The following SLC24A2 variants were observed in gnomAD, a reference collection of about 807,000 sequenced individuals.
SLC24A2 encodes solute carrier family 24 member 2, also known as sodium/potassium/calcium exchanger 2.
In SLC24A2, 36 loss-of-function variants were observed where a neutral mutation model predicts 62.0. The observed-to-expected ratio is 0.58, with a 90% CI of 0.44 to 0.77. The LOEUF (loss-of-function observed/expected upper bound fraction) is 0.77. Ranked by LOEUF, SLC24A2 falls within the 30% of genes least tolerant of loss-of-function variation. The pLI is 0.00. For synonymous variants in SLC24A2, 358 were observed against 294.0 expected, an observed-to-expected ratio of 1.22 and a Z score of -2.23; for missense variants, 846 against 817.9, an observed-to-expected ratio of 1.03 and a Z score of -0.42.
intron 5 of SLC24A2, among the ~76,000 whole-genome samples, chr9:19,595,307 A>G (rs1836676181): frequency 6.6e-6 from 1 of 152,212 alleles, no homozygotes; most frequent in African/African-American, 2.4e-5. Flanking sequence ...TTGTTGAAAA[A>G]TTCTTAGTGA....
chr9:20,288,284 C>T, the SLC24A2 span, among the ~76,000 whole-genome samples: 5 of 152,158 alleles, frequency 3.3e-5, no homozygotes, highest in African/African-American at 9.7e-5. Context: ...TGCAAGGGTT[C>T]ATATGGCAGT....
chr9:20,177,647 T>A, the SLC24A2 span, among the ~76,000 whole-genome samples: 1 of 152,122 alleles, frequency 6.6e-6, no homozygotes, highest in South Asian at 2.1e-4. Flanking sequence ...TAATTGATCC[T>A]TTAGGCTATG....
chr9:19,600,841 A>AG (rs1476156021), intron 4 of SLC24A2, among the ~76,000 whole-genome samples: 1 of 151,976 alleles, frequency 6.6e-6, no homozygotes, highest in African/African-American at 2.4e-5. Flanking sequence ...TGGGCTGGGG[A>AG]GGGGGAGAGC....
the SLC24A2 span, among the ~76,000 whole-genome samples, chr9:20,023,694 C>G: frequency 1.3e-5 from 2 of 152,156 alleles, no homozygotes; most frequent in Non-Finnish European, 1.5e-5. Flanking sequence ...TTCATTTACC[C>G]AGCTCTTGGC....
the SLC24A2 span, among the ~76,000 whole-genome samples, chr9:20,144,873 T>G: frequency 6.6e-6 from 1 of 152,174 alleles, no homozygotes; most frequent in African/African-American, 2.4e-5. Context: ...TGGTGCTAGT[T>G]CATTTCATTC....
At chr9:19,890,121 G>A in the SLC24A2 span, among the ~76,000 whole-genome samples, 7 of 151,888 alleles carry the variant, frequency 4.6e-5, no homozygotes, top group Non-Finnish European at 7.4e-5. Flanking sequence ...TATCATAATC[G>A]CCTTAAAAAA....
chr9:19,919,115 T>C, the SLC24A2 span, among the ~76,000 whole-genome samples: 3 of 152,198 alleles, frequency 2.0e-5, no homozygotes, highest in Non-Finnish European at 2.9e-5. Flanking sequence ...CCTAGAAAGC[T>C]ATGGAACCTA....
the SLC24A2 span, among the ~76,000 whole-genome samples, chr9:20,296,438 T>C: frequency 5.3e-5 from 8 of 152,354 alleles, no homozygotes; most frequent in East Asian, 1.5e-3. Flanking sequence ...AGACATTTTT[T>C]ATAAAAAATG....
intron 2 of SLC24A2, among the ~76,000 whole-genome samples, chr9:19,634,658 A>G (rs1352403637): frequency 6.6e-6 from 1 of 152,216 alleles, no homozygotes; most frequent in East Asian, 1.9e-4. Context: ...CCAAGTAAAC[A>G]TAAAACACAC....
At chr9:20,281,843 A>G in the SLC24A2 span, among the ~76,000 whole-genome samples, 1 of 152,232 alleles carries the variant, frequency 6.6e-6, no homozygotes, top group East Asian at 1.9e-4. Context: ...TGATATCTCT[A>G]CAGTACTAAA....
intron 6 of SLC24A2, among the ~76,000 whole-genome samples, chr9:19,574,010 C>T (rs983927226): frequency 9.2e-5 from 14 of 152,208 alleles, no homozygotes; most frequent in South Asian, 6.2e-4. Flanking sequence ...AGACTTTACC[C>T]TGCTTTGATC....
At chr9:20,153,256 C>T in the SLC24A2 span, among the ~76,000 whole-genome samples, 1 of 151,868 alleles carries the variant, frequency 6.6e-6, no homozygotes, top group African/African-American at 2.4e-5. Context: ...GTAGGAGAAA[C>T]TGAATCTAAA....
upstream of SLC24A2, among the ~76,000 whole-genome samples, chr9:19,790,363 C>T (rs149021772): frequency 9.9e-4 from 151 of 151,930 alleles, no homozygotes; most frequent in African/African-American, 3.4e-3. Flanking sequence ...TCATCTATAC[C>T]CCTTTTTCCT....
At chr9:20,081,166 G>A in the SLC24A2 span, among the ~76,000 whole-genome samples, 1 of 152,092 alleles carries the variant, frequency 6.6e-6, no homozygotes, top group African/African-American at 2.4e-5. Context: ...CTGCTATAAA[G>A]ACACATGCAC....
the SLC24A2 span, among the ~76,000 whole-genome samples, chr9:19,987,414 T>G: frequency 5.9e-5 from 9 of 152,182 alleles, no homozygotes; most frequent in African/African-American, 2.2e-4. Context: ...TTTTAGTAAA[T>G]TAATTTTTGC....
chr9:19,742,153 T>C (rs1821698810), intron 2 of SLC24A2, among the ~76,000 whole-genome samples: 1 of 152,184 alleles, frequency 6.6e-6, no homozygotes. Context: ...AGTGTTGATG[T>C]CATAAGCATA....
the SLC24A2 span, among the ~76,000 whole-genome samples, chr9:20,095,095 T>TG: frequency 1.3e-5 from 2 of 152,204 alleles, no homozygotes; most frequent in Non-Finnish European, 2.9e-5. Flanking sequence ...TCCTGTTTTC[T>TG]AAGCCAAACA....
At chr9:19,823,225 G>C in the SLC24A2 span, among the ~76,000 whole-genome samples, 1 of 151,996 alleles carries the variant, frequency 6.6e-6, no homozygotes, top group Non-Finnish European at 1.5e-5. Flanking sequence ...CATAATTTCA[G>C]ATTTACAGAA....
chr9:19,738,710 T>C (rs529160307), intron 2 of SLC24A2, among the ~76,000 whole-genome samples: 214 of 152,350 alleles, frequency 1.4e-3, no homozygotes, highest in African/African-American at 4.5e-3. Context: ...AATTAGGTTG[T>C]TTCCAACTCT....
Sources: allele counts gnomAD v4.1 joint callset (sites outside exome capture counted in the v4.1 genomes callset), GRCh38; gene constraint gnomAD v4.1.1; transcripts MANE v1.5; gene names NCBI Gene and HGNC (gene_info 2026-07-23, HGNC 2026-07-21).